Variants in SEMA3A observed in about 807,000 individuals in gnomAD.
SEMA3A encodes semaphorin-3A.
SEMA3A carries 29 observed loss-of-function variants against 97.9 expected under a neutral mutation model. The observed-to-expected ratio is 0.30, with a 90% CI of 0.22 to 0.40. The LOEUF (loss-of-function observed/expected upper bound fraction) is 0.40, where lower values mean the gene tolerates loss of function less well. Ranked by LOEUF, SEMA3A falls within the 10% of genes least tolerant of loss-of-function variation. SEMA3A has a pLI of 1.00. For missense variants in SEMA3A, 763 were observed against 951.3 expected, an observed-to-expected ratio of 0.80 and a Z score of 2.60; for synonymous variants, 321 against 323.7, an observed-to-expected ratio of 0.99 and a Z score of 0.09.
intron 6 of SEMA3A, among the ~76,000 whole-genome samples, chr7:84,033,786 C>T (rs1248488607): frequency 6.6e-6 from 1 of 152,056 alleles, no homozygotes; most frequent in Non-Finnish European, 1.5e-5. Context: ...TTCAATACAA[C>T]TGGGTGGGCC....
intron 6 of SEMA3A, among the ~76,000 whole-genome samples, chr7:84,043,666 G>C (rs1395633984): frequency 6.6e-6 from 1 of 151,990 alleles, no homozygotes; most frequent in Non-Finnish European, 1.5e-5. Flanking sequence ...ATTTCACAAG[G>C]CTTGTGATTC....
intron 4 of SEMA3A, among the ~76,000 whole-genome samples, chr7:84,066,836 GC>G (rs1220116784): frequency 6.6e-6 from 1 of 152,046 alleles, no homozygotes; most frequent in Non-Finnish European, 1.5e-5. Context: ...CGTGAAAATG[GC>G]CATACTGCCC....
intron 3 of SEMA3A, among the ~76,000 whole-genome samples, chr7:84,200,819 A>T (rs1458916901): frequency 6.8e-6 from 1 of 147,266 alleles, no homozygotes; most frequent in Admixed American, 6.8e-5. Flanking sequence ...TTTTTAAGTG[A>T]GAGTCTCCAC....
At chr7:84,095,956 TC>T (rs1351126010) in intron 4 of SEMA3A, among the ~76,000 whole-genome samples, 2 of 152,160 alleles carry the variant, frequency 1.3e-5, no homozygotes, top group African/African-American at 4.8e-5. Context: ...CATAAACATT[TC>T]CCCTGAAATT....
intron 9 of SEMA3A, among the ~76,000 whole-genome samples, chr7:84,008,417 C>A (rs561738231): frequency 1.4e-5 from 2 of 144,594 alleles, no homozygotes; most frequent in African/African-American, 5.2e-5. Context: ...TGTGAGCCGG[C>A]GAGGTAGAGC....
chr7:84,212,732 G>A (rs903732880), intron 3 of SEMA3A, among the ~76,000 whole-genome samples: 1 of 152,102 alleles, frequency 6.6e-6, no homozygotes, highest in Non-Finnish European at 1.5e-5. Flanking sequence ...ACAATGTGGT[G>A]TGGAAACCAG....
intron 3 of SEMA3A, among the ~76,000 whole-genome samples, chr7:84,272,300 G>A (rs1241659243): frequency 1.3e-5 from 2 of 152,034 alleles, no homozygotes; most frequent in Non-Finnish European, 2.9e-5. Flanking sequence ...ACTTTGGAAT[G>A]TGTTTCAGTG....
intron 1 of SEMA3A, among the ~76,000 whole-genome samples, chr7:84,169,163 ATATTTC>A (rs1416957790): frequency 1.3e-5 from 2 of 151,570 alleles, no homozygotes; most frequent in African/African-American, 4.8e-5. Context: ...TAAATTATAA[ATATTTC>A]TATTTCTATT....
chr7:84,003,321 T>A (rs1212083004), intron 11 of SEMA3A, among the ~76,000 whole-genome samples: 1 of 152,130 alleles, frequency 6.6e-6, no homozygotes, highest in Non-Finnish European at 1.5e-5. Context: ...TCTGATCATG[T>A]CTCCGGTACC....
intron 1 of SEMA3A, among the ~76,000 whole-genome samples, chr7:84,155,066 C>T (rs368187748): frequency 1.3e-5 from 2 of 152,010 alleles, no homozygotes; most frequent in African/African-American, 4.8e-5. Flanking sequence ...AATTTAATTC[C>T]ATTTGTGTGC....
chr7:84,443,683 T>C (rs909565230), intron 1 of SEMA3A, among the ~76,000 whole-genome samples: 13 of 152,182 alleles, frequency 8.5e-5, no homozygotes, highest in Non-Finnish European at 7.3e-5. Context: ...GTTTTCCTGC[T>C]AAAAACTTTG....
At chr7:83,988,251 G>A (rs972410942) in intron 12 of SEMA3A, among the ~76,000 whole-genome samples, 4 of 151,878 alleles carry the variant, frequency 2.6e-5, no homozygotes, top group African/African-American at 7.3e-5. Flanking sequence ...TTTTGAGAGG[G>A]AGTCTCGCTC....
intron 2 of SEMA3A, among the ~76,000 whole-genome samples, chr7:84,342,811 T>G (rs1197130599): frequency 1.3e-5 from 2 of 152,126 alleles, no homozygotes; most frequent in African/African-American, 2.4e-5. Flanking sequence ...ATTATAGAGA[T>G]GAGGGATTTT....
At chr7:84,047,275 G>T (rs1041456863) in intron 5 of SEMA3A, among the ~76,000 whole-genome samples, 8 of 152,028 alleles carry the variant, frequency 5.3e-5, no homozygotes, top group Admixed American at 3.3e-4. Context: ...GAAAAGACAA[G>T]AAGGGGGTAA....
chr7:84,233,904 T>G (rs572328821), intron 3 of SEMA3A, among the ~76,000 whole-genome samples: 3 of 151,894 alleles, frequency 2.0e-5, no homozygotes, highest in Non-Finnish European at 4.4e-5. Flanking sequence ...TTCAAATGCC[T>G]GAGATAAATG....
At chr7:84,068,004 CAA>C (rs1463028057) in intron 4 of SEMA3A, among the ~76,000 whole-genome samples, 5 of 125,148 alleles carry the variant, frequency 4.0e-5, no homozygotes, top group African/African-American at 1.7e-4. Flanking sequence ...TTCACAATAG[CAA>C]AGACTTGGAA....
chr7:84,490,935 C>T (rs1040230764), intron 1 of SEMA3A, among the ~76,000 whole-genome samples: 6 of 152,080 alleles, frequency 3.9e-5, no homozygotes, highest in South Asian at 2.1e-4. Flanking sequence ...AGACATTGAC[C>T]GCTATTCAAT....
chr7:84,459,737 T>C (rs1261327599), intron 1 of SEMA3A, among the ~76,000 whole-genome samples: 7 of 152,292 alleles, frequency 4.6e-5, no homozygotes, highest in African/African-American at 1.7e-4. Flanking sequence ...TAATAAAATA[T>C]TTAATCCTGG....
intron 1 of SEMA3A, among the ~76,000 whole-genome samples, chr7:84,380,518 G>A (rs1803231512): frequency 6.6e-6 from 1 of 152,112 alleles, no homozygotes; most frequent in Admixed American, 6.5e-5. Context: ...GGTAGGCAGT[G>A]GAAGGGTGAG....
Sources: gnomAD v4.1 joint callset for allele counts (sites outside exome capture counted in the v4.1 genomes callset) on GRCh38, gnomAD v4.1.1 for gene constraint, MANE v1.5 for transcripts, NCBI Gene and HGNC (gene_info 2026-07-23, HGNC 2026-07-21) for gene names.